CCDC150: variants seen among roughly 807,000 people sequenced by gnomAD.
The protein encoded by CCDC150 is coiled-coil domain containing 150.
A neutral mutation model predicts 156.5 loss-of-function variants in CCDC150; 151 were observed. The ratio of observed to expected loss-of-function variants is 0.97; its 90% CI spans 0.85 to 1.10. The LOEUF (loss-of-function observed/expected upper bound fraction) is 1.10, where lower values mean the gene tolerates loss of function less well. CCDC150 is among the 50% of genes least tolerant of loss of function. The pLI is 0.00. For missense variants in CCDC150, 1,312 were observed against 1,268.1 expected (o/e 1.03, Z -0.53); for synonymous variants, 452 against 429.4 (o/e 1.05, Z -0.65).
chr2:196,704,889 T>G (rs1166529453), intron 15 of CCDC150, among the ~76,000 whole-genome samples: 2 of 152,230 alleles, frequency 1.3e-5, no homozygotes, highest in African/African-American at 4.8e-5. Context: ...CTCATCATTT[T>G]TTTATGGCTG....
Position 196,721,524 on chromosome 2 carries a change from T to C in CCDC150, c.2262T>C (p.Ile754=), listed in dbSNP as rs1211355009. The C allele has an allele frequency of 6.3e-7, 1 of 1,596,774 alleles. No individual in the cohort carries two copies. The highest frequency in any genetic ancestry group is 1.3e-5 in the African/African-American group (1 of 74,092). ...LVMEDQHNSE[I]ESLQKALGVA... is the part of the protein sequence containing the mutation. ...GAAAACATGCTTCTCTCTTTCAGATTGAATCTCTACAAAAAGCTCTAGGTG... is the reference window on the plus strand; with the variant it reads ...GAAAACATGCTTCTCTCTTTCAGATCGAATCTCTACAAAAAGCTCTAGGTG... The change falls in exon 21 of 28, where the codon ATT becomes ATC. Residue 754 remains isoleucine, a splice_region_variant and synonymous_variant. Coordinates refer to ENST00000389175, the MANE Select transcript of CCDC150 (RefSeq NM_001080539.2).
intron 5 of CCDC150, among the ~76,000 whole-genome samples, chr2:196,659,555 G>A (rs777497475): frequency 2.6e-5 from 4 of 152,142 alleles, no homozygotes; most frequent in Non-Finnish European, 5.9e-5. Flanking sequence ...GTGCTTAGGT[G>A]GTAAGCATAG....
intron 13 of CCDC150, among the ~76,000 whole-genome samples, chr2:196,691,426 G>A (rs929517923): frequency 4.6e-5 from 7 of 152,024 alleles, no homozygotes; most frequent in African/African-American, 7.2e-5. Flanking sequence ...CTTCTTCCTG[G>A]TTAAGTCTTG....
chr2:196,674,464 G>C, intron 10 of CCDC150, 116 bp downstream of exon 10: 1 of 649,082 alleles, frequency 1.5e-6, no homozygotes, highest in East Asian at 2.8e-5. Context: ...AAAATCTACT[G>C]AATTATCTTA....
intron 15 of CCDC150, among the ~76,000 whole-genome samples, chr2:196,701,556 G>C (rs564614509): frequency 6.6e-6 from 1 of 152,200 alleles, no homozygotes; most frequent in African/African-American, 2.4e-5. Flanking sequence ...TGATGATACT[G>C]TTCTTTTGCT....
Position 196,732,505 on chromosome 2 carries a change from A to G in CCDC150, c.3249A>G (p.Arg1083=), listed in dbSNP as rs1288104150. 2 of 1,613,750 alleles carry G rather than the reference A, an allele frequency of 1.2e-6. No individual in the cohort carries two copies. The highest frequency in any genetic ancestry group is 1.1e-5 in the South Asian group (1 of 91,090). The change falls in exon 28 of 28, where the codon AGA becomes AGG. Residue 1083 remains arginine, a synonymous_variant. Coordinates refer to ENST00000389175, the MANE Select transcript of CCDC150 (RefSeq NM_001080539.2). ...AATCTGTTCTGCATCGATGGGAGAG[A>G]AAACAGAATCTTAGGCCCATGCCCA... ...SNQSVLHRWE[R]KQNLRPMPKK... is the part of the protein sequence containing the mutation.
chr2:196,650,211 A>G (rs1001463125), intron 2 of CCDC150, among the ~76,000 whole-genome samples: 21 of 152,308 alleles, frequency 1.4e-4, no homozygotes, highest in Non-Finnish European at 1.3e-4. Context: ...ACATTGTTGA[A>G]TTTTGTTAAA....
chr2:196,641,362 T>C (rs1692222466), intron 1 of CCDC150, among the ~76,000 whole-genome samples: 1 of 152,110 alleles, frequency 6.6e-6, no homozygotes, highest in South Asian at 2.1e-4. Context: ...CCCACCTCTT[T>C]ATTATGTGCG....
intron 15 of CCDC150, among the ~76,000 whole-genome samples, chr2:196,709,726 C>T (rs181695888): frequency 6.6e-6 from 1 of 152,300 alleles, no homozygotes; most frequent in East Asian, 1.9e-4. Context: ...TGATGCTATT[C>T]CTTTTTGTTT....
intron 22 of CCDC150, chr2:196,727,297 T>C (rs1402711726): frequency 6.6e-6 from 1 of 151,998 alleles, no homozygotes. Flanking sequence ...TCCCAGCTAT[T>C]CAGGAGGCTG....
chr2:196,659,285 T>C (rs1251224998), intron 5 of CCDC150, among the ~76,000 whole-genome samples: 2 of 152,156 alleles, frequency 1.3e-5, no homozygotes, highest in East Asian at 3.8e-4. Context: ...AAATATGAAG[T>C]AGGTGGCTGC....
At chr2:196,724,540 C>T (rs1698102939) in intron 21 of CCDC150, among the ~76,000 whole-genome samples, 1 of 151,924 alleles carries the variant, frequency 6.6e-6, no homozygotes, top group Non-Finnish European at 1.5e-5. Context: ...AACTATTACC[C>T]TATGATGGTG....
intron 17 of CCDC150, among the ~76,000 whole-genome samples, chr2:196,715,811 T>C (rs1003114068): frequency 6.6e-6 from 1 of 152,170 alleles, no homozygotes; most frequent in African/African-American, 2.4e-5. Context: ...CAAAGATTTC[T>C]TAGATTTGAT....
intron 19 of CCDC150, chr2:196,720,275 A>G (rs987010314): frequency 2.3e-5 from 8 of 341,360 alleles, no homozygotes; most frequent in Non-Finnish European, 4.6e-5. Context: ...CATATTGTTT[A>G]TCTTTTTTAC....
chr2:196,647,725 C>T (rs1006321599), intron 2 of CCDC150, among the ~76,000 whole-genome samples: 16 of 151,974 alleles, frequency 1.1e-4, no homozygotes, highest in Non-Finnish European at 1.9e-4. Context: ...TTAACATATC[C>T]GTCACCTCAC....
chr2:196,728,011 C>CAAAAAAAAAAAAAAAAAAA, intron 22 of CCDC150: 1 of 71,874 alleles, frequency 1.4e-5, no homozygotes, highest in Non-Finnish European at 2.4e-5. Context: ...GACTCTGTCT[C>CAAAAAAAAAAAAAAAAAAA]AAAAAAAAAA....
At chr2:196,679,355 CTG>C (rs911347305) in intron 13 of CCDC150, among the ~76,000 whole-genome samples, 1 of 152,092 alleles carries the variant, frequency 6.6e-6, no homozygotes, top group African/African-American at 2.4e-5. Flanking sequence ...AACCACAGAT[CTG>C]TGTTTTTGTC....
At chr2:196,655,301 C>T (rs1304501906) in intron 2 of CCDC150, among the ~76,000 whole-genome samples, 5 of 152,168 alleles carry the variant, frequency 3.3e-5, no homozygotes, top group African/African-American at 1.2e-4. Context: ...TCTAGAGAGA[C>T]TTGGAAATGC....
At chr2:196,723,159 C>T (rs1050802707) in intron 21 of CCDC150, among the ~76,000 whole-genome samples, 4 of 152,140 alleles carry the variant, frequency 2.6e-5, no homozygotes, top group Non-Finnish European at 4.4e-5. Flanking sequence ...CTTAGAAATG[C>T]AGGCTTAGTT....
Sources: allele counts gnomAD v4.1 joint callset (sites outside exome capture counted in the v4.1 genomes callset), GRCh38; gene constraint gnomAD v4.1.1; transcripts MANE v1.5; gene names NCBI Gene and HGNC (gene_info 2026-07-23, HGNC 2026-07-21).